HPS5: variants seen among roughly 807,000 people sequenced by gnomAD.
The protein encoded by HPS5 is BLOC-2 complex member HPS5.
In HPS5, 83 loss-of-function variants were observed where a neutral mutation model predicts 128.0. The observed-to-expected ratio is 0.65, with a 90% CI of 0.54 to 0.78. HPS5 has a LOEUF of 0.78. HPS5 is among the 30% of genes least tolerant of loss of function. The pLI is 0.00. For synonymous variants in HPS5, 475 were observed against 470.2 expected, an observed-to-expected ratio of 1.01 and a Z score of -0.13; for missense variants, 1,281 against 1,326.2, an observed-to-expected ratio of 0.97 and a Z score of 0.53.
At chr11:18,312,929 T>C (rs1312073512) in intron 2 of HPS5, among the ~76,000 whole-genome samples, 2 of 152,248 alleles carry the variant, frequency 1.3e-5, no homozygotes, top group Admixed American at 6.5e-5. Flanking sequence ...TAAGCTCCTA[T>C]TAATATGTTA....
At position 18,295,077 on chromosome 11, in the gene HPS5, T is replaced by C. The variant is rs746650170; in HGVS notation, c.1727A>G (p.Glu576Gly). Reference sequence around the variant, plus strand: ...ACTCACATCCTCTTCACATGATTGCTCATCACCCCTGAGCTCTGGTCTCAC... The same window carrying C: ...ACTCACATCCTCTTCACATGATTGCCCATCACCCCTGAGCTCTGGTCTCAC... ...LKVRPELRGD[E>G]QSCEEDVSSD... The change falls in exon 14 of 23, where the codon GAG becomes GGG. Residue 576 changes from glutamate (E) to glycine (G), a missense_variant. By Grantham distance (98) the Glu-to-Gly change is moderately conservative. Coordinates refer to ENST00000349215, the MANE Select transcript of HPS5 (RefSeq NM_181507.2). The C allele has an allele frequency of 6.2e-7, 1 of 1,614,152 alleles. No homozygotes were observed. The highest frequency in any genetic ancestry group is 8.5e-7 in the Non-Finnish European group (1 of 1,180,012).
At chr11:18,288,262 T>A (rs1429365112) in intron 16 of HPS5, among the ~76,000 whole-genome samples, 1 of 152,322 alleles carries the variant, frequency 6.6e-6, no homozygotes, top group East Asian at 1.9e-4. Flanking sequence ...CGAAGGAACA[T>A]ATAATTAATA....
At chr11:18,312,531 T>C (rs968212623) in intron 2 of HPS5, among the ~76,000 whole-genome samples, 4 of 152,246 alleles carry the variant, frequency 2.6e-5, no homozygotes, top group African/African-American at 4.8e-5. Context: ...AAGTTATTAG[T>C]TGATTGACTA....
rs954714379 is a variant in HPS5 at position 18,301,044 on chromosome 11, C to A, written c.897-128G>T. 139 of 697,180 alleles carry A rather than the reference C, an allele frequency of 2.0e-4. 2 individuals are homozygous for A. The East Asian group carries it at 3.7e-3, about 19-fold the overall frequency. 43.2% of individuals were successfully genotyped at this position (697,180 alleles called of 1,614,324 possible). On this transcript the variant is annotated intron_variant, in intron 8 of 22. Coordinates refer to ENST00000349215, the MANE Select transcript of HPS5 (RefSeq NM_181507.2). ...TGTACAAAGAAAACACAAGAGTGAT[C>A]CAGCTAATCGAGTCCTAACAACTCC...
At chr11:18,309,493 G>A (rs1195110735) in intron 5 of HPS5, among the ~76,000 whole-genome samples, 1 of 151,384 alleles carries the variant, frequency 6.6e-6, no homozygotes, top group Non-Finnish European at 1.5e-5. Context: ...CTGGGCAACA[G>A]AAGAAGAACC....
At chr11:18,296,409 C>T (rs1861071357) in intron 12 of HPS5, 1 of 540,164 alleles carries the variant, frequency 1.9e-6, no homozygotes, top group Non-Finnish European at 3.3e-6. Flanking sequence ...AGTTCAGCCA[C>T]AGGAATACTC....
intron 6 of HPS5, among the ~76,000 whole-genome samples, chr11:18,306,705 G>C (rs1250541150): frequency 6.6e-6 from 1 of 152,172 alleles, no homozygotes; most frequent in Non-Finnish European, 1.5e-5. Context: ...AAGTCACTTT[G>C]TAAAATGTTC....
Position 18,286,639 on chromosome 11 carries a change from A to AG in HPS5, c.2788dup (p.Leu930ProfsTer2). ...TGTGCTGGTGCTTGGTGGAGCATCA[A>AG]GGGACACTGCCAAAAGCAGCCAATC... is the stretch of plus-strand genomic sequence containing the variant. On this transcript the variant is annotated frameshift_variant, in exon 19 of 23. Coordinates refer to ENST00000349215, the MANE Select transcript of HPS5 (RefSeq NM_181507.2). LOFTEE classifies it high-confidence loss of function. 1 of 1,614,174 alleles carries AG rather than the reference A, an allele frequency of 6.2e-7. No homozygotes were observed. The highest frequency in any genetic ancestry group is 8.5e-7 in the Non-Finnish European group (1 of 1,180,012).
Position 18,296,950 on chromosome 11 carries a change from C to T in HPS5, c.1358G>A (p.Arg453His), listed in dbSNP as rs575330130. The T allele has an allele frequency of 7.5e-6, 12 of 1,605,116 alleles. No individual in the cohort carries two copies. Among genetic ancestry groups the T allele is most frequent in the Middle Eastern group, 1.7e-4 (1 of 5,944 alleles). The change falls in exon 12 of 23, where the codon CGT becomes CAT. Residue 453 changes from arginine (R) to histidine (H), a missense_variant. Transcript: ENST00000349215. Reference sequence around the variant, plus strand: ...ACTGCCTCTTCTACTACTAATGATACGATAAATACCAGAGTCCAAGATGCT... The same window carrying T: ...ACTGCCTCTTCTACTACTAATGATATGATAAATACCAGAGTCCAAGATGCT... ...SFSILDSGIY[R>H]IISSRRGSQS...
chr11:18,282,336 C>A, intron 21 of HPS5, 116 bp from the exon 22 acceptor site: 1 of 1,128,050 alleles, frequency 8.9e-7, no homozygotes, highest in Non-Finnish European at 1.3e-6. Flanking sequence ...TTCAAGAACA[C>A]AATCTCATCA....
intron 2 of HPS5, among the ~76,000 whole-genome samples, chr11:18,313,208 C>A (rs889623238): frequency 4.6e-5 from 7 of 151,554 alleles, no homozygotes; most frequent in Non-Finnish European, 1.0e-4. Context: ...AATCAAAACA[C>A]ATACTTATTG....
rs947528559 is a variant in HPS5 at position 18,279,726 on chromosome 11, G to A, written c.*156C>T. ...TCATGGATAAAGAGTCACAGATGCC[G>A]ATGCCAAGGGTACAGACACTGACAA... On this transcript the variant is annotated 3_prime_UTR_variant, in exon 23 of 23. Coordinates refer to ENST00000349215, the MANE Select transcript of HPS5 (RefSeq NM_181507.2). 2.4e-5 allele frequency: 17 copies of A among 701,580 alleles called. No individual in the cohort carries two copies. Among genetic ancestry groups the A allele is most frequent in the African/African-American group, 1.3e-4 (7 of 55,888 alleles). The allele number at this position is 701,580 out of a possible 1,614,324, so 43.5% of individuals were successfully genotyped here.
chr11:18,297,818 G>A (rs1861253684), intron 10 of HPS5, 101 bp from the exon 11 acceptor site: 9 of 1,150,472 alleles, frequency 7.8e-6, no homozygotes, highest in Admixed American at 1.7e-5. Flanking sequence ...GGTGGCTCAC[G>A]CCTGTAATCC....
At position 18,287,808 on chromosome 11, in the gene HPS5, G is replaced by A; in HGVS notation, c.2561+85C>T. 5 of 1,591,924 alleles carry A rather than the reference G, an allele frequency of 3.1e-6. No individual in the cohort carries two copies. In the South Asian group the frequency reaches 5.5e-5, roughly 18 times the overall value. On this transcript the variant is annotated intron_variant, in intron 17 of 22. Transcript: ENST00000349215. ...TATACTAACAGAAGCTGCCTCATAT[G>A]CAAATGAGTAACATGTTAGAGACTA...
chr11:18,280,379 A>G, intron 22 of HPS5: 1 of 569,390 alleles, frequency 1.8e-6, no homozygotes, highest in Non-Finnish European at 3.1e-6. Context: ...AAACAACAAC[A>G]GAAAATGACA....
At chr11:18,318,138 C>T (rs1564988505) in intron 1 of HPS5, among the ~76,000 whole-genome samples, 1 of 152,148 alleles carries the variant, frequency 6.6e-6, no homozygotes, top group Non-Finnish European at 1.5e-5. Flanking sequence ...CTCCATAAGC[C>T]TATCCCCCTG....
chr11:18,279,167 G>A lies in HPS5; in HGVS notation c.*715C>T, dbSNP rs999313611. ...GCACAAACACATCTCATTGCGGCCT[G>A]GACCTCCTGGCCTCAGGTACTATGC... is the stretch of plus-strand genomic sequence containing the variant. On this transcript the variant is annotated 3_prime_UTR_variant, in exon 23 of 23. Transcript: ENST00000349215. The A allele has an allele frequency of 2.6e-5, 4 of 152,188 alleles. No individual in the cohort carries two copies. The highest frequency in any genetic ancestry group is 9.7e-5 in the African/African-American group (4 of 41,426). 9.4% of individuals were successfully genotyped at this position (152,188 alleles called of 1,614,324 possible). A position where few individuals can be genotyped will look rare whatever the true frequency, so the allele number is the denominator to read the frequency against.
At chr11:18,312,502 G>A (rs1863129785) in intron 2 of HPS5, among the ~76,000 whole-genome samples, 1 of 152,184 alleles carries the variant, frequency 6.6e-6, no homozygotes, top group African/African-American at 2.4e-5. Flanking sequence ...GTCATGCCGT[G>A]CCCAATACCC....
chr11:18,311,282 G>A (rs959917597), intron 4 of HPS5, 105 bp downstream of exon 4: 20 of 838,010 alleles, frequency 2.4e-5, no homozygotes, highest in East Asian at 1.0e-4. Flanking sequence ...TGTTAAAACC[G>A]GGACAATCCT....
Sources: gnomAD v4.1 joint callset for allele counts (sites outside exome capture counted in the v4.1 genomes callset) on GRCh38, gnomAD v4.1.1 for gene constraint, MANE v1.5 for transcripts, NCBI Gene and HGNC (gene_info 2026-07-23, HGNC 2026-07-21) for gene names.